DEPDC1B: variants seen among roughly 807,000 people sequenced by gnomAD.
The protein encoded by DEPDC1B is DEP domain-containing protein 1B.
In DEPDC1B, 51 loss-of-function variants were observed where a neutral mutation model predicts 66.5. That is an observed-to-expected ratio of 0.77 (90% CI 0.61 to 0.97). DEPDC1B has a LOEUF of 0.97. Among genes scored for constraint, DEPDC1B ranks in the 50% least tolerant of loss-of-function variants. The pLI is 0.00. For missense variants in DEPDC1B, 552 were observed against 637.1 expected (o/e 0.87, Z 1.44); for synonymous variants, 226 against 223.6 (o/e 1.01, Z -0.10).
In DEPDC1B at chr5:60,644,872, TA is replaced by T; in HGVS notation, c.581del (p.Leu194TyrfsTer10). ...EIWKSMTLSY[L>X]QKILGLDSLE... ...AGGAATCCAGGCCAAGAATTTTCTG[TA>T]AGCTAAAAGATAAGTAATTATATTA... On this transcript the variant is annotated frameshift_variant and splice_region_variant, in exon 5 of 11. Transcript: ENST00000265036. LOFTEE classifies it high-confidence loss of function. 1 of 1,599,708 alleles carries T rather than the reference TA, an allele frequency of 6.3e-7. No individual in the cohort carries two copies. The highest frequency in any genetic ancestry group is 8.5e-7 in the Non-Finnish European group (1 of 1,172,962).
rs879310687 is a variant in DEPDC1B, at chr5:60,677,342, T to A, written c.314+9620A>T. Among the ~76,000 whole-genome samples the A allele has an allele frequency of 8.6e-3, 1,290 of 149,604 alleles. 5 individuals are homozygous for A. The highest frequency in any genetic ancestry group is 0.011 in the Non-Finnish European group (745 of 67,520). ...CACACACACACTCTCTCTCTCTCTC[T>A]CTCTCTCTCTCTCTCTCTCTCAAAA... is the stretch of plus-strand genomic sequence containing the variant. On this transcript the variant is annotated intron_variant, in intron 2 of 10. Coordinates refer to ENST00000265036, the MANE Select transcript of DEPDC1B (RefSeq NM_018369.3).
At chr5:60,610,277 T>C (rs979817751) in intron 7 of DEPDC1B, among the ~76,000 whole-genome samples, 2 of 152,206 alleles carry the variant, frequency 1.3e-5, no homozygotes, top group East Asian at 3.8e-4. Context: ...GAAAATGGTG[T>C]CAATAGTCAT....
At chr5:60,615,809 C>A (rs142103260) in intron 7 of DEPDC1B, among the ~76,000 whole-genome samples, 35 of 152,182 alleles carry the variant, frequency 2.3e-4, no homozygotes, top group African/African-American at 5.6e-4. Flanking sequence ...TCTCCCAGCA[C>A]GCAGCTTGAG....
chr5:60,680,277 A>G (rs1174055631), intron 2 of DEPDC1B, among the ~76,000 whole-genome samples: 1 of 152,196 alleles, frequency 6.6e-6, no homozygotes, highest in Non-Finnish European at 1.5e-5. Context: ...GTTAACAGGA[A>G]AGAAGTATAG....
intron 2 of DEPDC1B, among the ~76,000 whole-genome samples, chr5:60,666,595 T>C (rs1338018594): frequency 6.6e-6 from 1 of 152,186 alleles, no homozygotes; most frequent in East Asian, 1.9e-4. Flanking sequence ...GGGGAGTGTC[T>C]GCCAAGATTC....
At chr5:60,641,383 C>T (rs946903056) in intron 6 of DEPDC1B, among the ~76,000 whole-genome samples, 1 of 141,978 alleles carries the variant, frequency 7.0e-6, no homozygotes, top group Non-Finnish European at 1.5e-5. Flanking sequence ...GAGTCTTGCT[C>T]TGTCACCCAG....
At chr5:60,697,960 T>A (rs1447555306) in intron 1 of DEPDC1B, among the ~76,000 whole-genome samples, 3 of 152,146 alleles carry the variant, frequency 2.0e-5, no homozygotes, top group African/African-American at 7.2e-5. Context: ...ACCCTCTGCA[T>A]CCATGAAAAG....
At chr5:60,598,473 TATGTAG>T (rs1445878122) in intron 10 of DEPDC1B, among the ~76,000 whole-genome samples, 1 of 152,224 alleles carries the variant, frequency 6.6e-6, no homozygotes, top group Non-Finnish European at 1.5e-5. Flanking sequence ...TGAATCCAAC[TATGTAG>T]AGTTCAGTCT....
At chr5:60,668,233 TTATATATATATATAAAATGGATATTATA>T (rs1561385150) in intron 2 of DEPDC1B, among the ~76,000 whole-genome samples, 1 of 27,076 alleles carries the variant, frequency 3.7e-5, no homozygotes. Context: ...AATGGATATT[TTATATATATATATAAAATGGATATTATA>T]TATATATATA....
chr5:60,613,036 A>G (rs960594884), intron 7 of DEPDC1B, among the ~76,000 whole-genome samples: 1 of 152,330 alleles, frequency 6.6e-6, no homozygotes, highest in East Asian at 1.9e-4. Context: ...TGTAGTCTTC[A>G]TTATGCTTCT....
At chr5:60,633,577 C>G (rs1372508127) in intron 7 of DEPDC1B, among the ~76,000 whole-genome samples, 1 of 152,178 alleles carries the variant, frequency 6.6e-6, no homozygotes, top group Admixed American at 6.5e-5. Context: ...GTCACCCCAG[C>G]CAACCTCCAG....
At chr5:60,604,393 G>C (rs1199624446) in intron 8 of DEPDC1B, among the ~76,000 whole-genome samples, 2 of 150,852 alleles carry the variant, frequency 1.3e-5, no homozygotes, top group Non-Finnish European at 3.0e-5. Context: ...GCTAATTTTT[G>C]TAATTTTAAT....
intron 7 of DEPDC1B, among the ~76,000 whole-genome samples, chr5:60,615,775 G>A (rs1209954963): frequency 6.6e-6 from 1 of 152,232 alleles, no homozygotes; most frequent in Non-Finnish European, 1.5e-5. Flanking sequence ...GTCACTGTCT[G>A]ACAGCCTTGA....
chr5:60,666,453 C>G (rs1359883973), intron 2 of DEPDC1B, among the ~76,000 whole-genome samples: 1 of 152,152 alleles, frequency 6.6e-6, no homozygotes, highest in Non-Finnish European at 1.5e-5. Context: ...AAAGACCCCC[C>G]CCATAACACC....
At chr5:60,608,931 A>C (rs983772261) in intron 7 of DEPDC1B, among the ~76,000 whole-genome samples, 4 of 152,142 alleles carry the variant, frequency 2.6e-5, no homozygotes, top group Non-Finnish European at 5.9e-5. Context: ...CAACATAGCA[A>C]AATCCCATCC....
At chr5:60,612,528 C>CAAAAAAAAAA (rs35196065) in intron 7 of DEPDC1B, among the ~76,000 whole-genome samples, 2 of 90,228 alleles carry the variant, frequency 2.2e-5, no homozygotes, top group Non-Finnish European at 4.2e-5. Context: ...GAGATCTGCT[C>CAAAAAAAAAA]AAAAAAAAAA....
At chr5:60,670,062 T>C (rs1488784456) in intron 2 of DEPDC1B, among the ~76,000 whole-genome samples, 2 of 152,086 alleles carry the variant, frequency 1.3e-5, no homozygotes, top group East Asian at 3.9e-4. Flanking sequence ...GGGGTGATTA[T>C]TGCACCAAAA....
At chr5:60,651,112 G>A (rs1753440644) in intron 2 of DEPDC1B, among the ~76,000 whole-genome samples, 1 of 152,204 alleles carries the variant, frequency 6.6e-6, no homozygotes, top group South Asian at 2.1e-4. Flanking sequence ...AGGTAAAGGA[G>A]CACCAAAATT....
intron 9 of DEPDC1B, among the ~76,000 whole-genome samples, chr5:60,602,046 A>G (rs905406874): frequency 9.2e-5 from 14 of 151,596 alleles, no homozygotes; most frequent in African/African-American, 3.4e-4. Flanking sequence ...TCTCATGCCA[A>G]TCAACAATAT....
Sources: gnomAD v4.1 joint callset for allele counts (sites outside exome capture counted in the v4.1 genomes callset) on GRCh38, gnomAD v4.1.1 for gene constraint, MANE v1.5 for transcripts, NCBI Gene and HGNC (gene_info 2026-07-23, HGNC 2026-07-21) for gene names.